ROBO2: variants seen among roughly 807,000 people sequenced by gnomAD.
ROBO2 encodes roundabout homolog 2.
Under a neutral mutation model 160.8 loss-of-function variants are expected in ROBO2, and 53 were observed. The observed-to-expected ratio is 0.33, with a 90% CI of 0.26 to 0.41. The LOEUF (loss-of-function observed/expected upper bound fraction) is 0.41. Ranked by LOEUF, ROBO2 falls within the 10% of genes least tolerant of loss-of-function variation. The pLI is 1.00. For synonymous variants in ROBO2, 664 were observed against 611.7 expected (o/e 1.09, Z -1.26); for missense variants, 1,577 against 1,722.4 (o/e 0.92, Z 1.49).
chr3:77,510,524 T>G (rs2089260475), intron 5 of ROBO2, among the ~76,000 whole-genome samples: 1 of 151,982 alleles, frequency 6.6e-6, no homozygotes, highest in African/African-American at 2.4e-5. Context: ...ATAATATCAC[T>G]GGAGGAGGTT....
At chr3:77,555,317 AC>A (rs979064931) in intron 8 of ROBO2, among the ~76,000 whole-genome samples, 3 of 151,954 alleles carry the variant, frequency 2.0e-5, no homozygotes, top group Admixed American at 6.6e-5. Flanking sequence ...AACCTACAAT[AC>A]CCCTGAGATA....
intron 2 of ROBO2, among the ~76,000 whole-genome samples, chr3:77,297,768 A>G (rs1226701364): frequency 6.6e-6 from 1 of 152,178 alleles, no homozygotes; most frequent in Middle Eastern, 3.2e-3. Context: ...TTTACATTTA[A>G]CGGAAGAAGA....
intron 2 of ROBO2, among the ~76,000 whole-genome samples, chr3:76,264,123 G>A (rs1304831157): frequency 1.3e-5 from 2 of 151,908 alleles, no homozygotes; most frequent in Non-Finnish European, 2.9e-5. Flanking sequence ...AATGCATGTG[G>A]GACTTAAAAC....
At chr3:76,702,440 A>G (rs2093064978) in intron 2 of ROBO2, among the ~76,000 whole-genome samples, 1 of 151,734 alleles carries the variant, frequency 6.6e-6, no homozygotes, top group African/African-American at 2.4e-5. Flanking sequence ...ATTGAGGTTC[A>G]TATACAAAAC....
chr3:77,206,466 C>T (rs1236676676), intron 2 of ROBO2, among the ~76,000 whole-genome samples: 1 of 152,036 alleles, frequency 6.6e-6, no homozygotes, highest in East Asian at 1.9e-4. Flanking sequence ...CGTGCCCAGA[C>T]CTTTCTTACT....
chr3:77,410,983 T>G (rs1455350800), intron 2 of ROBO2, among the ~76,000 whole-genome samples: 2 of 151,988 alleles, frequency 1.3e-5, no homozygotes, highest in African/African-American at 4.8e-5. Flanking sequence ...TTAAAAATGT[T>G]TTGCAGAGAT....
At chr3:76,857,388 CT>C (rs2070240795) in intron 2 of ROBO2, among the ~76,000 whole-genome samples, 1 of 151,972 alleles carries the variant, frequency 6.6e-6, no homozygotes, top group African/African-American at 2.4e-5. Flanking sequence ...TTTTAATTAC[CT>C]ATAAATAACA....
intron 2 of ROBO2, among the ~76,000 whole-genome samples, chr3:76,716,794 G>A (rs1391546868): frequency 6.6e-6 from 1 of 152,120 alleles, no homozygotes; most frequent in African/African-American, 2.4e-5. Flanking sequence ...TGCCTGTAGG[G>A]TATCTTTGAG....
At chr3:76,539,967 G>T (rs896991642) in intron 2 of ROBO2, among the ~76,000 whole-genome samples, 2 of 152,164 alleles carry the variant, frequency 1.3e-5, no homozygotes, top group African/African-American at 4.8e-5. Flanking sequence ...GACCCTGCTG[G>T]AGAGCAGCTA....
At chr3:76,126,342 G>A (rs1005044511) in intron 2 of ROBO2, among the ~76,000 whole-genome samples, 2 of 152,052 alleles carry the variant, frequency 1.3e-5, no homozygotes, top group African/African-American at 4.8e-5. Context: ...AAATGTATAA[G>A]CTTATATATT....
intron 2 of ROBO2, among the ~76,000 whole-genome samples, chr3:77,023,639 T>C (rs943898877): frequency 1.3e-5 from 2 of 152,200 alleles, no homozygotes; most frequent in East Asian, 3.9e-4. Flanking sequence ...AACATTCTGC[T>C]AAAAGGATAT....
chr3:76,883,240 TTAAAAGTCCACAGCA>T lies in ROBO2; in HGVS notation c.110-214765_110-214751del, dbSNP rs1461225956. 3.9e-5 allele frequency among the ~76,000 whole-genome samples: 6 copies of T among 152,284 alleles called. No homozygotes were observed. The East Asian group carries it at 1.2e-3, about 29-fold the overall frequency. On this transcript the variant is annotated intron_variant, in intron 2 of 26. Transcript: ENST00000487694. Reference sequence around the variant, plus strand: ...CATTGGAAAATTCTTGTATATTCTTTTAAAAGTCCACAGCATAAAAGTCTACTTTGTGAGCCTGAA... The same window carrying T: ...CATTGGAAAATTCTTGTATATTCTTTTAAAAGTCTACTTTGTGAGCCTGAA...
chr3:75,980,025 G>A (rs1310383410), intron 2 of ROBO2, among the ~76,000 whole-genome samples: 1 of 151,548 alleles, frequency 6.6e-6, no homozygotes, highest in African/African-American at 2.4e-5. Flanking sequence ...CATTTTTCAA[G>A]TTATATAAAC....
At chr3:77,480,930 G>A (rs1359115624) in intron 3 of ROBO2, among the ~76,000 whole-genome samples, 169 bp from the exon 4 acceptor site, 1 of 151,924 alleles carries the variant, frequency 6.6e-6, no homozygotes, top group Non-Finnish European at 1.5e-5. Context: ...TTACATTGAG[G>A]GTGAATTTAA....
At chr3:77,626,703 G>A (rs899585007) in intron 23 of ROBO2, among the ~76,000 whole-genome samples, 2 of 152,172 alleles carry the variant, frequency 1.3e-5, no homozygotes, top group Admixed American at 6.6e-5. Flanking sequence ...GGGGGAAAAT[G>A]CCCTCAACGT....
At chr3:76,374,721 C>G (rs1443615912) in intron 2 of ROBO2, among the ~76,000 whole-genome samples, 1 of 151,944 alleles carries the variant, frequency 6.6e-6, no homozygotes, top group South Asian at 2.1e-4. Context: ...AAAAATTCTA[C>G]TCTGGTTATA....
intron 2 of ROBO2, among the ~76,000 whole-genome samples, chr3:75,992,979 T>C (rs2065617679): frequency 6.6e-6 from 1 of 152,224 alleles, no homozygotes; most frequent in Non-Finnish European, 1.5e-5. Context: ...ACACAATACC[T>C]GTACCCCATT....
At position 76,411,537 on chromosome 3, in the gene ROBO2, T is replaced by C. The variant is rs139206072; in HGVS notation, c.109+473935T>C. On this transcript the variant is annotated intron_variant, in intron 2 of 26. Transcript: ENST00000487694. ...TTCAACTGAACCTCATTAAAGTAAA[T>C]TATTTTTATTTTTTTCTGCCATAGT... is the stretch of plus-strand genomic sequence containing the variant. Among the ~76,000 whole-genome samples the C allele has an allele frequency of 4.3e-3, 654 of 152,194 alleles. 5 individuals carry two copies. The highest frequency in any genetic ancestry group is 0.015 in the African/African-American group (621 of 41,542).
chr3:77,207,496 G>T (rs937673366), intron 2 of ROBO2, among the ~76,000 whole-genome samples: 2 of 152,044 alleles, frequency 1.3e-5, no homozygotes, highest in East Asian at 3.9e-4. Flanking sequence ...TCTATCTTTT[G>T]TTCACTTAGC....
Sources: allele counts gnomAD v4.1 joint callset (sites outside exome capture counted in the v4.1 genomes callset), GRCh38; gene constraint gnomAD v4.1.1; transcripts MANE v1.5; gene names NCBI Gene and HGNC (gene_info 2026-07-23, HGNC 2026-07-21).